The following GANC variants were observed in gnomAD, a reference collection of about 807,000 sequenced individuals.
GANC encodes the protein neutral alpha-glucosidase C.
GANC carries 117 observed loss-of-function variants against 124.2 expected under a neutral mutation model. The ratio of observed to expected loss-of-function variants is 0.94; its 90% CI spans 0.81 to 1.10. GANC has a LOEUF of 1.10. GANC is among the 50% of genes least tolerant of loss of function. GANC has a pLI of 0.00. For missense variants in GANC, 1,140 were observed against 1,095.0 expected, an observed-to-expected ratio of 1.04 and a Z score of -0.58; for synonymous variants, 377 against 376.8, an observed-to-expected ratio of 1.00 and a Z score of -0.01.
At chr15:42,306,401 G>A (rs1476747708) in intron 6 of GANC, 145 bp from the exon 7 acceptor site, 2 of 632,236 alleles carry the variant, frequency 3.2e-6, no homozygotes, top group African/African-American at 3.7e-5. Context: ...TTTGTTAAAG[G>A]TACTGACGTC....
intron 13 of GANC, 133 bp downstream of exon 13, chr15:42,327,575 G>A (rs1190093539): frequency 2.8e-6 from 2 of 714,892 alleles, no homozygotes; most frequent in East Asian, 5.3e-5. Flanking sequence ...AGGCAAGTAT[G>A]GCCACCACAT....
At chr15:42,280,889 T>A (rs2051725938) in intron 3 of GANC, 1 of 693,584 alleles carries the variant, frequency 1.4e-6, no homozygotes, top group African/African-American at 1.8e-5. Context: ...TTTTGGATCC[T>A]GAAAAAGTGA....
intron 3 of GANC, among the ~76,000 whole-genome samples, chr15:42,280,687 CCCT>C (rs1489297558): frequency 3.3e-5 from 5 of 152,246 alleles, no homozygotes; most frequent in African/African-American, 1.2e-4. Flanking sequence ...GAGCAAGAAT[CCCT>C]ATCCATTCTT....
intron 3 of GANC, among the ~76,000 whole-genome samples, chr15:42,287,461 A>G (rs953487951): frequency 6.6e-6 from 1 of 152,102 alleles, no homozygotes; most frequent in African/African-American, 2.4e-5. Context: ...TGACAATTTT[A>G]TGTTCACCTA....
intron 10 of GANC, among the ~76,000 whole-genome samples, chr15:42,312,759 C>T (rs539907232): frequency 1.3e-5 from 2 of 151,922 alleles, no homozygotes; most frequent in Non-Finnish European, 1.5e-5. Flanking sequence ...ACCAACATGG[C>T]GAAAACCTGT....
In GANC at chr15:42,334,764, AAT is replaced by A. The variant is rs1491579915; in HGVS notation, c.1742-3623_1742-3622del. 6.5e-3 allele frequency among the ~76,000 whole-genome samples: 948 copies of A among 145,872 alleles called. 7 individuals are homozygous for A. The highest frequency in any genetic ancestry group is 0.023 in the African/African-American group (922 of 40,434). On this transcript the variant is annotated intron_variant, in intron 15 of 23. Coordinates refer to ENST00000318010, the MANE Select transcript of GANC (RefSeq NM_198141.3). Reference sequence around the variant, plus strand: ...TTAAGAGTTGGTTTTCTGAAAAAAAAATAATAATAACAAAATAGATAGACTGC... The same window carrying A: ...TTAAGAGTTGGTTTTCTGAAAAAAAAAATAATAACAAAATAGATAGACTGC...
chr15:42,335,477 G>T (rs895716030), intron 15 of GANC, among the ~76,000 whole-genome samples: 1 of 152,030 alleles, frequency 6.6e-6, no homozygotes, highest in Admixed American at 6.6e-5. Flanking sequence ...AAAATAATAA[G>T]AGTCATATTT....
In GANC at chr15:42,287,790, G is replaced by T; in HGVS notation, c.301G>T (p.Val101Phe). The change falls in exon 4 of 24, where the codon GTC becomes TTC. Residue 101 changes from valine to phenylalanine, a missense_variant. Val to Phe is a conservative substitution (Grantham distance 50). Transcript: ENST00000318010. ...AAAACCCAGATTTGAAGTTCCGGATGTCCTCACAAGCAAGCCAAGCACTGT... is the reference window on the plus strand; with the variant it reads ...AAAACCCAGATTTGAAGTTCCGGATTTCCTCACAAGCAAGCCAAGCACTGT... ...PLKPRFEVPDVLTSKPSTVRL... is the reference protein window; with the variant it reads ...PLKPRFEVPDFLTSKPSTVRL... The T allele has an allele frequency of 6.2e-7, 1 of 1,613,182 alleles. No homozygotes were observed. The highest frequency in any genetic ancestry group is 1.7e-5 in the Admixed American group (1 of 59,874).
At chr15:42,302,495 G>A (rs1481704220) in intron 6 of GANC, among the ~76,000 whole-genome samples, 1 of 152,136 alleles carries the variant, frequency 6.6e-6, no homozygotes, top group East Asian at 1.9e-4. Flanking sequence ...ATTGGACGGA[G>A]AATGAGTTTG....
intron 4 of GANC, among the ~76,000 whole-genome samples, chr15:42,289,386 A>C (rs918613785): frequency 6.6e-6 from 1 of 152,130 alleles, no homozygotes; most frequent in Non-Finnish European, 1.5e-5. Flanking sequence ...TGATAACTCA[A>C]CTTCCTGATT....
At position 42,339,652 on chromosome 15, in the gene GANC, CCTT is replaced by C. The variant is rs758805597; in HGVS notation, c.1844-13_1844-11del. 1 of 1,607,920 alleles carries C rather than the reference CCTT, an allele frequency of 6.2e-7. No individual in the cohort carries two copies. Among genetic ancestry groups the C allele is most frequent in the Non-Finnish European group, 8.5e-7 (1 of 1,175,990 alleles). On this transcript the variant is annotated splice_polypyrimidine_tract_variant and intron_variant, in intron 16 of 23. Transcript: ENST00000318010. Reference sequence around the variant, plus strand: ...TCCAAAGCTTGGTTGCCTCACTTGGCCTTCTTTTGCTTCCAGCTGACATAGGCG... The same window carrying C: ...TCCAAAGCTTGGTTGCCTCACTTGGCCTTTTGCTTCCAGCTGACATAGGCG...
intron 10 of GANC, chr15:42,313,796 A>G (rs909783969): frequency 1.8e-4 from 81 of 462,450 alleles, no homozygotes; most frequent in African/African-American, 1.6e-3. Context: ...GGCTGGGCAC[A>G]GTGGCTCACG....
Position 42,287,703 on chromosome 15 carries a change from G to A in GANC, c.214G>A (p.Ala72Thr). Residue 72 changes from alanine (A) to threonine (T), a missense_variant, in exon 4 of 24, where the codon GCT (alanine) becomes ACT (threonine). Ala to Thr is a moderately conservative substitution (Grantham distance 58). Transcript: ENST00000318010. ...TATCTGTTTCCAGGTTCCTCTCCTG[G>A]CTGAAATTTATGGTATAGAAGGAAA... ...INEASKVPLLAEIYGIEGNIF... is the reference protein window; with the variant it reads ...INEASKVPLLTEIYGIEGNIF... 6.2e-7 allele frequency: 1 copy of A among 1,611,188 alleles called. No individual in the cohort carries two copies. Among genetic ancestry groups the A allele is most frequent in the Non-Finnish European group, 8.5e-7 (1 of 1,178,916 alleles).
rs370343407 is a variant in GANC at position 42,306,642 on chromosome 15, C to T, written c.625+30C>T. 12 of 1,442,506 alleles carry T rather than the reference C, an allele frequency of 8.3e-6. No individual in the cohort carries two copies. In the African/African-American group the frequency reaches 1.7e-4, roughly 20 times the overall value. The allele number at this position is 1,442,506 out of a possible 1,614,324, so 89.4% of individuals were successfully genotyped here. The stretch of plus-strand genomic sequence containing the variant: ...AATTGAAACTGGTATAGTATTAAAA[C>T]AGATCATTCTAAAAATGTCTACATA... On this transcript the variant is annotated intron_variant, in intron 7 of 23. Transcript: ENST00000318010.
intron 22 of GANC, among the ~76,000 whole-genome samples, chr15:42,350,551 CTTTTTT>C (rs1265729419): frequency 8.1e-6 from 1 of 123,356 alleles, no homozygotes; most frequent in Non-Finnish European, 1.7e-5. Context: ...ACAGAGTTGT[CTTTTTT>C]TTTTTTTTTT....
chr15:42,327,632 T>C (rs2052208504), intron 13 of GANC, 190 bp downstream of exon 13: 2 of 518,982 alleles, frequency 3.9e-6, no homozygotes, highest in South Asian at 5.7e-5. Flanking sequence ...CATAAGCAAA[T>C]GCACAAAACC....
chr15:42,290,063 G>T (rs1327494557), intron 4 of GANC, among the ~76,000 whole-genome samples: 2 of 152,206 alleles, frequency 1.3e-5, no homozygotes, highest in East Asian at 1.9e-4. Flanking sequence ...AATTTCTGTT[G>T]TTCAAGCTAC....
At chr15:42,326,629 T>A (rs1566958398) in intron 12 of GANC, among the ~76,000 whole-genome samples, 1 of 152,146 alleles carries the variant, frequency 6.6e-6, no homozygotes, top group Non-Finnish European at 1.5e-5. Context: ...TATTTATCAA[T>A]CAATAATTGA....
At chr15:42,309,072 G>C (rs2052025680) in intron 8 of GANC, among the ~76,000 whole-genome samples, 1 of 152,150 alleles carries the variant, frequency 6.6e-6, no homozygotes. Context: ...AGTTTCCTCA[G>C]GGATATCATG....
Sources: allele counts gnomAD v4.1 joint callset (sites outside exome capture counted in the v4.1 genomes callset), GRCh38; gene constraint gnomAD v4.1.1; transcripts MANE v1.5; gene names NCBI Gene and HGNC (gene_info 2026-07-23, HGNC 2026-07-21).